Variants in EYA1 observed in about 807,000 individuals in gnomAD.
EYA1 encodes the protein protein phosphatase EYA1.
Under a neutral mutation model 82.0 loss-of-function variants are expected in EYA1, and 16 were observed. The ratio of observed to expected loss-of-function variants is 0.20; its 90% confidence interval spans 0.13 to 0.30. The LOEUF (loss-of-function observed/expected upper bound fraction) is 0.30, where lower values mean the gene tolerates loss of function less well. Among genes scored for constraint, EYA1 ranks in the 10% least tolerant of loss-of-function variants. The probability of loss-of-function intolerance (pLI) is 1.00; values close to 1 mark genes in which losing one functional copy is unlikely to be tolerated. For missense variants in EYA1, 633 were observed against 730.7 expected (o/e 0.87, Z 1.54); for synonymous variants, 261 against 264.4 (o/e 0.99, Z 0.12).
chr8:71,427,227 C>T (rs1805298453), intron 2 of EYA1, among the ~76,000 whole-genome samples: 1 of 152,146 alleles, frequency 6.6e-6, no homozygotes, highest in Non-Finnish European at 1.5e-5. Flanking sequence ...CTTGCTGTTG[C>T]TTCGGATGGG....
Position 71,452,804 on chromosome 8 carries a change from C to T in EYA1, c.33+82940G>A, listed in dbSNP as rs566359275. Reference sequence around the variant, plus strand: ...CATCAAAGACCAAAGGTAGATAAAACCACAAAGATCGGGAAAAAAACAGAG... The same window carrying T: ...CATCAAAGACCAAAGGTAGATAAAATCACAAAGATCGGGAAAAAAACAGAG... On this transcript the variant is annotated intron_variant, in intron 2 of 18. Transcript: ENST00000643681. Among the ~76,000 whole-genome samples, 6 of 152,264 alleles carry T rather than the reference C, an allele frequency of 3.9e-5. No homozygotes were observed. In the South Asian group the frequency reaches 1.0e-3, roughly 26 times the overall value.
intron 2 of EYA1, among the ~76,000 whole-genome samples, chr8:71,399,049 G>A (rs1334066274): frequency 6.6e-6 from 1 of 152,222 alleles, no homozygotes; most frequent in African/African-American, 2.4e-5. Context: ...TCAGACTGCT[G>A]TGTTAGCAGT....
chr8:71,245,374 G>A (rs900962559), intron 11 of EYA1, among the ~76,000 whole-genome samples: 10 of 151,906 alleles, frequency 6.6e-5, no homozygotes, highest in Admixed American at 3.3e-4. Flanking sequence ...CTACAGGCGC[G>A]CACCAACACG....
intron 1 of EYA1, chr8:71,356,723 CA>C (rs986178880): frequency 2.3e-5 from 29 of 1,234,762 alleles, no homozygotes; most frequent in East Asian, 2.3e-4. Flanking sequence ...CTCCCCTTGT[CA>C]GGGGGGGAAG....
intron 3 of EYA1, among the ~76,000 whole-genome samples, chr8:71,338,335 C>T (rs1824735234): frequency 6.6e-6 from 1 of 152,168 alleles, no homozygotes; most frequent in African/African-American, 2.4e-5. Context: ...TCTGAAGAAA[C>T]AGGCTAATAG....
intron 2 of EYA1, among the ~76,000 whole-genome samples, chr8:71,497,150 GGAA>G (rs1443962747): frequency 6.6e-6 from 1 of 152,072 alleles, no homozygotes; most frequent in Non-Finnish European, 1.5e-5. Context: ...GGCCCACAAT[GGAA>G]GAAGAAGAAT....
At chr8:71,463,230 A>G (rs1808499417) in intron 2 of EYA1, among the ~76,000 whole-genome samples, 1 of 152,222 alleles carries the variant, frequency 6.6e-6, no homozygotes, top group Non-Finnish European at 1.5e-5. Context: ...GAGTTAGACT[A>G]AAGGTACATG....
At chr8:71,510,932 T>C (rs1299093955) in intron 2 of EYA1, among the ~76,000 whole-genome samples, 1 of 152,234 alleles carries the variant, frequency 6.6e-6, no homozygotes, top group Non-Finnish European at 1.5e-5. Flanking sequence ...TTGTTTCTTT[T>C]TAATTGTGCC....
At chr8:71,369,330 A>C (rs1307346813) in intron 2 of EYA1, among the ~76,000 whole-genome samples, 2 of 152,060 alleles carry the variant, frequency 1.3e-5, no homozygotes, top group Non-Finnish European at 2.9e-5. Context: ...CTTTTCCTTA[A>C]GTGTGTAGAA....
chr8:71,388,046 C>T (rs1829064213), intron 2 of EYA1, among the ~76,000 whole-genome samples: 1 of 152,140 alleles, frequency 6.6e-6, no homozygotes, highest in Admixed American at 6.6e-5. Flanking sequence ...ACTATAATCT[C>T]ATAAGTTAAT....
intron 1 of EYA1, among the ~76,000 whole-genome samples, chr8:71,541,883 G>A (rs963074153): frequency 6.6e-6 from 1 of 152,140 alleles, no homozygotes; most frequent in Non-Finnish European, 1.5e-5. Flanking sequence ...ATATATCACA[G>A]AAACAGCTTC....
chr8:71,347,717 T>G (rs1168669335), intron 3 of EYA1, among the ~76,000 whole-genome samples: 1 of 152,094 alleles, frequency 6.6e-6, no homozygotes, highest in South Asian at 2.1e-4. Context: ...TTATTAGTAA[T>G]AAATACAATG....
intron 3 of EYA1, among the ~76,000 whole-genome samples, chr8:71,345,143 C>T (rs1396644608): frequency 1.3e-5 from 2 of 152,096 alleles, no homozygotes; most frequent in African/African-American, 2.4e-5. Flanking sequence ...ATAATAGCTG[C>T]TATGTTTTGA....
intron 2 of EYA1, among the ~76,000 whole-genome samples, chr8:71,384,440 G>A (rs950925706): frequency 1.3e-5 from 2 of 152,122 alleles, no homozygotes; most frequent in Non-Finnish European, 2.9e-5. Context: ...TCTGACCAGT[G>A]CAGGCCAGGC....
At chr8:71,531,356 T>C (rs772782867) in intron 2 of EYA1, 2 of 152,194 alleles carry the variant, frequency 1.3e-5, no homozygotes, top group African/African-American at 2.4e-5. Flanking sequence ...CCCCAGGTCA[T>C]ACAGCTAGTA....
chr8:71,417,244 C>A (rs1010894539), intron 2 of EYA1, among the ~76,000 whole-genome samples: 2 of 152,288 alleles, frequency 1.3e-5, no homozygotes, highest in Admixed American at 1.3e-4. Flanking sequence ...ATACATCTAT[C>A]CTATTAGTTC....
chr8:71,277,117 T>A (rs7844628), intron 9 of EYA1, among the ~76,000 whole-genome samples: 1 of 15,250 alleles, frequency 6.6e-5, no homozygotes, highest in African/African-American at 3.9e-4. Context: ...CTTCACACAT[T>A]TTTTTTTTTT....
intron 2 of EYA1, among the ~76,000 whole-genome samples, chr8:71,389,937 T>C (rs1362955012): frequency 6.6e-6 from 1 of 152,206 alleles, no homozygotes; most frequent in Admixed American, 6.5e-5. Flanking sequence ...CGTTTGATGC[T>C]TAACTGTTTG....
At chr8:71,380,770 T>A (rs1347889988) in intron 2 of EYA1, among the ~76,000 whole-genome samples, 2 of 152,374 alleles carry the variant, frequency 1.3e-5, no homozygotes, top group East Asian at 3.9e-4. Context: ...TCCTTATTTA[T>A]CTATTTCACT....
Sources: allele counts gnomAD v4.1 joint callset (sites outside exome capture counted in the v4.1 genomes callset), GRCh38; gene constraint gnomAD v4.1.1; transcripts MANE v1.5; gene names NCBI Gene and HGNC (gene_info 2026-07-23, HGNC 2026-07-21).